Variants in SUGCT observed in about 807,000 individuals in gnomAD.
SUGCT encodes succinyl-CoA:glutarate CoA-transferase.
Under a neutral mutation model 55.0 loss-of-function variants are expected in SUGCT, and 41 were observed. The ratio of observed to expected loss-of-function variants is 0.74; its 90% CI spans 0.58 to 0.97. The LOEUF (loss-of-function observed/expected upper bound fraction) is 0.97. SUGCT is among the 50% of genes least tolerant of loss of function. SUGCT has a pLI of 0.00. For missense variants in SUGCT, 568 were observed against 547.8 expected, an observed-to-expected ratio of 1.04 and a Z score of -0.37; for synonymous variants, 187 against 200.4, an observed-to-expected ratio of 0.93 and a Z score of 0.56.
the SUGCT span, among the ~76,000 whole-genome samples, chr7:40,930,928 G>A: frequency 6.6e-6 from 1 of 152,114 alleles, no homozygotes; most frequent in Admixed American, 6.6e-5. Context: ...TCTCTTGCCT[G>A]ATTACCCAGG....
intron 8 of SUGCT, among the ~76,000 whole-genome samples, chr7:40,277,225 C>T (rs1792561842): frequency 6.6e-6 from 1 of 152,130 alleles, no homozygotes; most frequent in South Asian, 2.1e-4. Context: ...TTCTGTCGCC[C>T]AGGCTGGAGT....
chr7:41,002,920 G>A, the SUGCT span, among the ~76,000 whole-genome samples: 1 of 152,058 alleles, frequency 6.6e-6, no homozygotes, highest in African/African-American at 2.4e-5. Context: ...GGACAGATGA[G>A]TCAATGGTAT....
chr7:40,780,169 A>G (rs1340464895), intron 13 of SUGCT, among the ~76,000 whole-genome samples: 2 of 151,974 alleles, frequency 1.3e-5, no homozygotes, highest in East Asian at 1.9e-4. Flanking sequence ...GTAGTTCTCT[A>G]AAGCCACTCT....
In SUGCT at chr7:40,455,026, AC is replaced by A. The variant is rs1256637816; in HGVS notation, c.889-4074del. Among the ~76,000 whole-genome samples the A allele has an allele frequency of 3.9e-5, 6 of 152,288 alleles. No individual in the cohort carries two copies. The South Asian group carries it at 8.3e-4, about 21-fold the overall frequency. On this transcript the variant is annotated intron_variant, in intron 10 of 13. Coordinates refer to ENST00000335693, the MANE Select transcript of SUGCT (RefSeq NM_001193313.2). ...GATGGGTGAAAGCAAACATTAAGATACTGTCTGATGGGATTTTCAGTGTATG... is the reference window on the plus strand; with the variant it reads ...GATGGGTGAAAGCAAACATTAAGATATGTCTGATGGGATTTTCAGTGTATG...
At chr7:40,487,572 T>C (rs1323843154) in intron 11 of SUGCT, among the ~76,000 whole-genome samples, 1 of 152,128 alleles carries the variant, frequency 6.6e-6, no homozygotes, top group Non-Finnish European at 1.5e-5. Context: ...GTTGATTTTC[T>C]GTCTAGATGA....
intron 8 of SUGCT, among the ~76,000 whole-genome samples, chr7:40,315,553 A>T (rs1795380214): frequency 6.6e-6 from 1 of 152,230 alleles, no homozygotes; most frequent in South Asian, 2.1e-4. Flanking sequence ...AAGTCCCAAG[A>T]ATAAAGTAAA....
intron 9 of SUGCT, among the ~76,000 whole-genome samples, chr7:40,335,610 C>G (rs1057072721): frequency 6.6e-6 from 1 of 152,186 alleles, no homozygotes; most frequent in African/African-American, 2.4e-5. Flanking sequence ...TATCCTGAGA[C>G]TTTGCTGAAG....
At chr7:40,624,446 A>C (rs1020280243) in intron 12 of SUGCT, among the ~76,000 whole-genome samples, 1 of 152,164 alleles carries the variant, frequency 6.6e-6, no homozygotes, top group African/African-American at 2.4e-5. Flanking sequence ...CATCACAATA[A>C]CCATGTGAAG....
intron 7 of SUGCT, among the ~76,000 whole-genome samples, chr7:40,254,436 C>T (rs762395614): frequency 1.1e-4 from 16 of 152,014 alleles, no homozygotes; most frequent in African/African-American, 2.9e-4. Flanking sequence ...CTTGTTCTGT[C>T]GCCCAGGCTG....
the SUGCT span, among the ~76,000 whole-genome samples, chr7:40,868,958 A>C: frequency 6.6e-6 from 1 of 152,252 alleles, no homozygotes; most frequent in Non-Finnish European, 1.5e-5. Context: ...CCCAGTTTCT[A>C]CTAATGTTAA....
chr7:40,920,607 CAGTT>C, the SUGCT span, among the ~76,000 whole-genome samples: 71 of 152,214 alleles, frequency 4.7e-4, no homozygotes, highest in African/African-American at 1.5e-3. Flanking sequence ...TGTTGTTTGT[CAGTT>C]GGTTGGTTTT....
rs1464382744 is a variant in SUGCT at position 40,448,957 on chromosome 7, T to TAG, written c.817-329_817-328insGA. Among the ~76,000 whole-genome samples, 5 of 148,136 alleles carry TAG rather than the reference T, an allele frequency of 3.4e-5. No homozygotes were observed. In the East Asian group the frequency reaches 9.8e-4, roughly 29 times the overall value. On this transcript the variant is annotated intron_variant, in intron 9 of 13. Coordinates refer to ENST00000335693, the MANE Select transcript of SUGCT (RefSeq NM_001193313.2). ...GTGTGTGTGTGTGTGTGTGTATATATATATAGAGAGAGAGAGAGAGAGAGA... is the reference window on the plus strand; with the variant it reads ...GTGTGTGTGTGTGTGTGTGTATATATAGATATAGAGAGAGAGAGAGAGAGAGA...
chr7:40,570,706 G>A (rs1796393787), intron 12 of SUGCT, among the ~76,000 whole-genome samples: 1 of 152,074 alleles, frequency 6.6e-6, no homozygotes, highest in Admixed American at 6.6e-5. Context: ...AAGTCTAGTG[G>A]TGTTTCCTTT....
the SUGCT span, among the ~76,000 whole-genome samples, chr7:41,024,131 G>A: frequency 4.6e-5 from 7 of 152,302 alleles, no homozygotes; most frequent in East Asian, 1.2e-3. Context: ...CAATGATTTT[G>A]TGGAAACTTC....
the SUGCT span, among the ~76,000 whole-genome samples, chr7:41,029,698 T>TTTTGG: frequency 6.6e-6 from 1 of 152,348 alleles, no homozygotes; most frequent in East Asian, 1.9e-4. Flanking sequence ...TTCCCTGTTG[T>TTTTGG]TAACATGTAT....
chr7:41,001,026 A>G, the SUGCT span, among the ~76,000 whole-genome samples: 1 of 152,186 alleles, frequency 6.6e-6, no homozygotes, highest in Non-Finnish European at 1.5e-5. Context: ...TATCAGCCAT[A>G]TATCCATGTG....
intron 12 of SUGCT, among the ~76,000 whole-genome samples, chr7:40,570,255 G>A (rs930109748): frequency 6.6e-6 from 1 of 152,206 alleles, no homozygotes; most frequent in Non-Finnish European, 1.5e-5. Context: ...GGAGGACACA[G>A]GGTTAACATA....
intron 7 of SUGCT, among the ~76,000 whole-genome samples, chr7:40,267,025 A>AAAACAAAC (rs141867097): frequency 8.6e-6 from 1 of 116,488 alleles, no homozygotes; most frequent in African/African-American, 3.3e-5. Flanking sequence ...AAAAAAAACA[A>AAAACAAAC]AAACAAACAA....
chr7:40,313,514 A>G (rs570264935), intron 8 of SUGCT, among the ~76,000 whole-genome samples: 45 of 152,296 alleles, frequency 3.0e-4, no homozygotes, highest in Admixed American at 2.8e-3. Flanking sequence ...CCCTTTAAAC[A>G]TTGAGTTGCT....
Sources: gnomAD v4.1 joint callset for allele counts (sites outside exome capture counted in the v4.1 genomes callset) on GRCh38, gnomAD v4.1.1 for gene constraint, MANE v1.5 for transcripts, NCBI Gene and HGNC (gene_info 2026-07-23, HGNC 2026-07-21) for gene names.